The following TMED2 variants were observed in gnomAD, a reference collection of about 807,000 sequenced individuals.
TMED2 encodes transmembrane emp24 domain-containing protein 2.
Under a neutral mutation model 17.5 loss-of-function variants are expected in TMED2, and 3 were observed. The observed-to-expected ratio is 0.17, with a 90% CI of 0.08 to 0.44. The LOEUF (loss-of-function observed/expected upper bound fraction) is 0.44, where lower values mean the gene tolerates loss of function less well. TMED2 is among the 20% of genes least tolerant of loss of function. TMED2 has a pLI of 0.99. For missense variants in TMED2, 149 were observed against 254.8 expected (o/e 0.58, Z 2.83); for synonymous variants, 95 against 91.0 (o/e 1.04, Z -0.25).
Position 123,597,251 on chromosome 12 carries a change from G to C in TMED2, c.*522G>C, listed in dbSNP as rs1273942919. 1 of 152,194 alleles carries C rather than the reference G, an allele frequency of 6.6e-6. No homozygotes were observed. Among genetic ancestry groups the C allele is most frequent in the Non-Finnish European group, 1.5e-5 (1 of 68,064 alleles). 9.4% of individuals were successfully genotyped at this position (152,194 alleles called of 1,614,324 possible). ...ACTTGGGTGTATGCTGCCAGGCTGGGTACTTTCATACTTTGTTTTCTTGTT... is the reference window on the plus strand; with the variant it reads ...ACTTGGGTGTATGCTGCCAGGCTGGCTACTTTCATACTTTGTTTTCTTGTT... On this transcript the variant is annotated 3_prime_UTR_variant, in exon 4 of 4. Coordinates refer to ENST00000262225, the MANE Select transcript of TMED2 (RefSeq NM_006815.4).
At chr12:123,586,340 T>A (rs916812778) in intron 1 of TMED2, 1 of 152,592 alleles carries the variant, frequency 6.6e-6, no homozygotes. Context: ...TTACATATTC[T>A]TGGTGAATTT....
rs535138344 is a variant in TMED2, at chr12:123,596,880, G to C, written c.*151G>C. 6.3e-6 allele frequency: 6 copies of C among 951,310 alleles called. No homozygotes were observed. Among genetic ancestry groups the C allele is most frequent in the Middle Eastern group, 6.7e-4 (2 of 2,998 alleles). 58.9% of individuals were successfully genotyped at this position (951,310 alleles called of 1,614,324 possible). ...GATTAATAGATATTGGGGGAAAAAC[G>C]CCTTTTTAGGAAAATTATAGTGAAA... On this transcript the variant is annotated 3_prime_UTR_variant, in exon 4 of 4. Coordinates refer to ENST00000262225, the MANE Select transcript of TMED2 (RefSeq NM_006815.4).
chr12:123,590,500 T>C (rs772766701), intron 3 of TMED2, 51 bp downstream of exon 3: 2 of 1,428,020 alleles, frequency 1.4e-6, no homozygotes, highest in Admixed American at 4.6e-5. Flanking sequence ...AAGGTTGTTT[T>C]ACTCAACAGC....
chr12:123,587,777 AT>A (rs142803633), intron 2 of TMED2: 280 of 633,336 alleles, frequency 4.4e-4, no homozygotes, highest in South Asian at 7.6e-4. Context: ...TTGGATTGAT[AT>A]TTTTTTTGGT....
chr12:123,587,777 A>G lies in TMED2; in HGVS notation c.373+838A>G, dbSNP rs1015084712. 2.4e-5 allele frequency: 15 copies of G among 634,468 alleles called. No homozygotes were observed. In the African/African-American group the frequency reaches 3.0e-4, roughly 13 times the overall value. 39.3% of individuals were successfully genotyped at this position (634,468 alleles called of 1,614,324 possible). On this transcript the variant is annotated intron_variant, in intron 2 of 3. Transcript: ENST00000262225. ...AACCCCTACAACTAATTGGATTGATATTTTTTTTGGTGGTTTTTTATTTCG... is the reference window on the plus strand; with the variant it reads ...AACCCCTACAACTAATTGGATTGATGTTTTTTTTGGTGGTTTTTTATTTCG...
intron 3 of TMED2, 93 bp downstream of exon 3, chr12:123,590,542 C>A: frequency 3.8e-6 from 4 of 1,040,926 alleles, no homozygotes; most frequent in Non-Finnish European, 2.7e-6. Context: ...GGAAACTTTG[C>A]AAATTTTATG....
At chr12:123,586,678 T>A in intron 1 of TMED2, 69 bp from the exon 2 acceptor site, 1 of 1,451,598 alleles carries the variant, frequency 6.9e-7, no homozygotes, top group Non-Finnish European at 9.2e-7. Flanking sequence ...TTACTGCCAT[T>A]AGACATTACT....
At chr12:123,584,924 T>C in intron 1 of TMED2, 108 bp downstream of exon 1, 1 of 1,398,840 alleles carries the variant, frequency 7.1e-7, no homozygotes, top group East Asian at 2.5e-5. Context: ...TGGAAGTCGC[T>C]GTCCGAGTCC....
At chr12:123,594,955 G>A (rs199512992) in intron 3 of TMED2, among the ~76,000 whole-genome samples, 5 of 151,672 alleles carry the variant, frequency 3.3e-5, no homozygotes, top group Admixed American at 6.6e-5. Context: ...TTGGCCAGGC[G>A]TGGTGGCTCA....
chr12:123,585,716 C>T (rs908311479), intron 1 of TMED2: 2 of 152,186 alleles, frequency 1.3e-5, no homozygotes, highest in African/African-American at 4.8e-5. Context: ...ATTACAGTCT[C>T]GAAGTTATGC....
Position 123,584,574 on chromosome 12 carries a change from G to T in TMED2, c.-63G>T, listed in dbSNP as rs918800022. 6.5e-7 allele frequency: 1 copy of T among 1,534,394 alleles called. No individual in the cohort carries two copies. The highest frequency in any genetic ancestry group is 1.4e-5 in the African/African-American group (1 of 69,610). ...GCTGAGAAGGCAGCGGGGCGGCGGCGGCGGCGGCGGCGGCGGCTGTGGAGG... is the reference window on the plus strand; with the variant it reads ...GCTGAGAAGGCAGCGGGGCGGCGGCTGCGGCGGCGGCGGCGGCTGTGGAGG... On this transcript the variant is annotated 5_prime_UTR_variant, in exon 1 of 4. Coordinates refer to ENST00000262225, the MANE Select transcript of TMED2 (RefSeq NM_006815.4).
At chr12:123,596,422 T>G (rs377339021) in intron 3 of TMED2, among the ~76,000 whole-genome samples, 183 bp from the exon 4 acceptor site, 5 of 152,214 alleles carry the variant, frequency 3.3e-5, no homozygotes, top group Non-Finnish European at 7.3e-5. Context: ...TTTTGACTTA[T>G]GTATTTTCAA....
At chr12:123,587,456 C>T (rs986236771) in intron 2 of TMED2, among the ~76,000 whole-genome samples, 1 of 152,112 alleles carries the variant, frequency 6.6e-6, no homozygotes, top group Non-Finnish European at 1.5e-5. Context: ...ATTTTGTGCT[C>T]TTGTGAGCAT....
chr12:123,594,533 G>A (rs1953416148), intron 3 of TMED2, among the ~76,000 whole-genome samples: 1 of 152,136 alleles, frequency 6.6e-6, no homozygotes, highest in African/African-American at 2.4e-5. Context: ...TGAGGCAGGA[G>A]GATTGTTTGA....
chr12:123,590,721 C>A (rs141542281), intron 3 of TMED2, among the ~76,000 whole-genome samples: 12,593 of 152,156 alleles, frequency 0.083, 602 homozygotes, highest in Non-Finnish European at 0.11. Context: ...TGGTGGCTCA[C>A]GCCTGTAATC....
intron 1 of TMED2, among the ~76,000 whole-genome samples, chr12:123,585,402 A>AT (rs1566164126): frequency 6.6e-6 from 1 of 152,136 alleles, no homozygotes; most frequent in African/African-American, 2.4e-5. Context: ...CCAAGGAGAG[A>AT]TGGGGAGTTG....
rs374413254 is a variant in TMED2, at chr12:123,584,619, T to C, written c.-18T>C. On this transcript the variant is annotated 5_prime_UTR_variant, in exon 1 of 4. Coordinates refer to ENST00000262225, the MANE Select transcript of TMED2 (RefSeq NM_006815.4). ...TGGAGGCCGCAGTCCGGGTCCTGGC[T>C]TCGGCCTCAGCCCCACCATGGTGAC... 6 of 1,574,500 alleles carry C rather than the reference T, an allele frequency of 3.8e-6. No homozygotes were observed. Among genetic ancestry groups the C allele is most frequent in the African/African-American group, 2.7e-5 (2 of 73,822 alleles).
In TMED2 at chr12:123,596,809, C is replaced by T; in HGVS notation, c.*80C>T. The T allele has an allele frequency of 7.0e-7, 1 of 1,423,624 alleles. No homozygotes were observed. The highest frequency in any genetic ancestry group is 9.3e-7 in the Non-Finnish European group (1 of 1,079,496). 88.2% of individuals were successfully genotyped at this position (1,423,624 alleles called of 1,614,324 possible). On this transcript the variant is annotated 3_prime_UTR_variant, in exon 4 of 4. Coordinates refer to ENST00000262225, the MANE Select transcript of TMED2 (RefSeq NM_006815.4). Reference sequence around the variant, plus strand: ...GTCATAATAATGTCATTAGTTTCTCCATTTTTATTTTCTGAACTGTACATT... The same window carrying T: ...GTCATAATAATGTCATTAGTTTCTCTATTTTTATTTTCTGAACTGTACATT...
rs369175197 is a variant in TMED2 at position 123,590,301 on chromosome 12, A to AT, written c.374-41_374-40insT. 5,082 of 1,438,904 alleles carry AT rather than the reference A, an allele frequency of 3.5e-3. 1 individual carries two copies. The highest frequency in any genetic ancestry group is 4.3e-3 in the Non-Finnish European group (4,552 of 1,063,156). 89.1% of individuals were successfully genotyped at this position (1,438,904 alleles called of 1,614,324 possible). ...CTCTGTCTCAAAAAAAAAAAAAAAA[A>AT]GACATTGACAAATGTGTTTTGTTTT... On this transcript the variant is annotated intron_variant, in intron 2 of 3. Coordinates refer to ENST00000262225, the MANE Select transcript of TMED2 (RefSeq NM_006815.4).
Sources: gnomAD v4.1 joint callset for allele counts (sites outside exome capture counted in the v4.1 genomes callset) on GRCh38, gnomAD v4.1.1 for gene constraint, MANE v1.5 for transcripts, NCBI Gene and HGNC (gene_info 2026-07-23, HGNC 2026-07-21) for gene names.